ZFHX3: variants seen among roughly 807,000 people sequenced by gnomAD.
The protein encoded by ZFHX3 is zinc finger homeobox protein 3.
A neutral mutation model predicts 279.1 loss-of-function variants in ZFHX3; 42 were observed. The observed-to-expected ratio is 0.15, with a 90% CI of 0.12 to 0.19. The LOEUF (loss-of-function observed/expected upper bound fraction) is 0.19, where lower values mean the gene tolerates loss of function less well. Ranked by LOEUF, ZFHX3 falls within the 10% of genes least tolerant of loss-of-function variation. ZFHX3 has a pLI of 1.00. For missense variants in ZFHX3, 4,981 were observed against 4,754.0 expected (o/e 1.05, Z -1.40); for synonymous variants, 2,293 against 1,957.8 (o/e 1.17, Z -4.52).
chr16:73,689,957 C>T (rs1335281444), intron 1 of ZFHX3, among the ~76,000 whole-genome samples: 3 of 151,872 alleles, frequency 2.0e-5, no homozygotes, highest in Non-Finnish European at 2.9e-5. Flanking sequence ...GTAGCATCAC[C>T]CAGGCTGGAG....
intron 3 of ZFHX3, among the ~76,000 whole-genome samples, chr16:72,931,534 G>A (rs915009665): frequency 2.1e-5 from 3 of 145,008 alleles, no homozygotes; most frequent in Non-Finnish European, 4.5e-5. Flanking sequence ...AACTTCCAAC[G>A]TACCGACAGG....
intron 1 of ZFHX3, among the ~76,000 whole-genome samples, chr16:73,680,703 T>A (rs1237730454): frequency 2.0e-5 from 3 of 152,172 alleles, no homozygotes; most frequent in Admixed American, 2.0e-4. Flanking sequence ...AAGTTGAGGA[T>A]GAAACTGAAT....
intron 1 of ZFHX3, among the ~76,000 whole-genome samples, chr16:73,016,349 A>G (rs1597094805): frequency 6.6e-6 from 1 of 152,312 alleles, no homozygotes; most frequent in Admixed American, 6.5e-5. Context: ...GCACACATGT[A>G]CAAGGCGCTA....
intron 1 of ZFHX3, among the ~76,000 whole-genome samples, chr16:73,856,528 T>C (rs1453673705): frequency 6.6e-6 from 1 of 152,240 alleles, no homozygotes; most frequent in East Asian, 1.9e-4. Context: ...ACATATTTGC[T>C]TGTATTTCAC....
chr16:73,690,379 G>A (rs977008307), intron 1 of ZFHX3, among the ~76,000 whole-genome samples: 1 of 152,118 alleles, frequency 6.6e-6, no homozygotes, highest in East Asian at 1.9e-4. Flanking sequence ...AAGCAGCTAG[G>A]TAAGAAGAAA....
intron 2 of ZFHX3, among the ~76,000 whole-genome samples, chr16:73,601,299 C>CA (rs1217744713): frequency 0.15 from 8,951 of 60,474 alleles, 705 homozygotes; most frequent in African/African-American, 0.31. Flanking sequence ...ACTAAAAATA[C>CA]AAAAAAAAAA....
chr16:73,028,060 G>A (rs962367613), intron 1 of ZFHX3, among the ~76,000 whole-genome samples: 27 of 152,206 alleles, frequency 1.8e-4, no homozygotes, highest in Middle Eastern at 3.4e-3. Context: ...CAGCTGCACC[G>A]AGACAGTGGG....
intron 4 of ZFHX3, among the ~76,000 whole-genome samples, chr16:73,291,207 C>T (rs1320812572): frequency 6.6e-6 from 1 of 152,140 alleles, no homozygotes; most frequent in African/African-American, 2.4e-5. Flanking sequence ...GACAATCAAA[C>T]CCCACACCAG....
At chr16:73,451,695 A>G (rs1188848985) in intron 3 of ZFHX3, among the ~76,000 whole-genome samples, 1 of 152,134 alleles carries the variant, frequency 6.6e-6, no homozygotes, top group Non-Finnish European at 1.5e-5. Flanking sequence ...GCCTCTTTTA[A>G]TATTTCTGTT....
chr16:73,642,737 C>A (rs769992611), intron 2 of ZFHX3, among the ~76,000 whole-genome samples: 1 of 152,134 alleles, frequency 6.6e-6, no homozygotes, highest in African/African-American at 2.4e-5. Flanking sequence ...ACAGCCTGAA[C>A]AGACGCTGTT....
At chr16:73,483,351 A>AAGAG (rs3087036) in intron 2 of ZFHX3, 53 of 434,778 alleles carry the variant, frequency 1.2e-4, no homozygotes, top group Middle Eastern at 3.9e-4. Context: ...GAGAGAGAGA[A>AAGAG]AGAGAGAGAG....
At chr16:73,845,483 C>A (rs1961426431) in intron 1 of ZFHX3, among the ~76,000 whole-genome samples, 1 of 151,784 alleles carries the variant, frequency 6.6e-6, no homozygotes, top group African/African-American at 2.4e-5. Context: ...TAGGTGGCCA[C>A]TGGAATGACA....
chr16:73,312,186 G>A (rs970169010), intron 4 of ZFHX3, among the ~76,000 whole-genome samples: 1 of 152,112 alleles, frequency 6.6e-6, no homozygotes, highest in Non-Finnish European at 1.5e-5. Flanking sequence ...ATTGTGTCAC[G>A]TGACAAAAGG....
chr16:73,577,462 A>G (rs895979271), intron 2 of ZFHX3, among the ~76,000 whole-genome samples: 1 of 152,232 alleles, frequency 6.6e-6, no homozygotes, highest in Non-Finnish European at 1.5e-5. Context: ...CAAAATATAT[A>G]AAGTTACATT....
chr16:73,063,383 TCCGACA>T (rs144027122), upstream of ZFHX3, among the ~76,000 whole-genome samples: 6,732 of 152,196 alleles, frequency 0.044, 468 homozygotes, highest in African/African-American at 0.15. Flanking sequence ...GCTCCATCCA[TCCGACA>T]CCCCCATCGC....
chr16:72,868,357 C>T (rs1193434438), intron 4 of ZFHX3, among the ~76,000 whole-genome samples: 1 of 152,208 alleles, frequency 6.6e-6, no homozygotes, highest in African/African-American at 2.4e-5. Flanking sequence ...TCAGATCATC[C>T]TTACCTGCTC....
rs548352265 is a variant in ZFHX3 at position 73,088,698 on chromosome 16, A to G, written c.-533+4537T>C. 3.3e-5 allele frequency among the ~76,000 whole-genome samples: 5 copies of G among 152,300 alleles called. No homozygotes were observed. The South Asian group carries it at 1.0e-3, about 32-fold the overall frequency. On this transcript the variant is annotated intron_variant, in intron 8 of 17. Coordinates refer to the ZFHX3 transcript ENST00000641206. ...GGATCCAGGTAACTAAATGAGAGTT[A>G]AAACATTCTCAGGTACATCCTGAAG...
intron 3 of ZFHX3, among the ~76,000 whole-genome samples, chr16:73,398,648 C>T (rs1207148088): frequency 6.6e-6 from 1 of 152,156 alleles, no homozygotes; most frequent in Non-Finnish European, 1.5e-5. Flanking sequence ...CACCACTGGT[C>T]CCCACATAAT....
intron 1 of ZFHX3, among the ~76,000 whole-genome samples, chr16:73,042,800 G>C (rs1179898464): frequency 2.6e-5 from 4 of 152,036 alleles, no homozygotes; most frequent in African/African-American, 9.7e-5. Flanking sequence ...CCCACTTCCA[G>C]TCCAAGTCTC....
Sources: gnomAD v4.1 joint callset for allele counts (sites outside exome capture counted in the v4.1 genomes callset) on GRCh38, gnomAD v4.1.1 for gene constraint, MANE v1.5 for transcripts, NCBI Gene and HGNC (gene_info 2026-07-23, HGNC 2026-07-21) for gene names.